PRDM11: variants seen among roughly 807,000 people sequenced by gnomAD.
PRDM11 encodes the protein PR/SET domain 11.
PRDM11 carries 20 observed loss-of-function variants against 97.8 expected under a neutral mutation model. The ratio of observed to expected loss-of-function variants is 0.20; its 90% confidence interval spans 0.14 to 0.30. PRDM11 has a LOEUF of 0.30. Among genes scored for constraint, PRDM11 ranks in the 10% least tolerant of loss-of-function variants. The pLI, the probability that PRDM11 is intolerant of heterozygous loss-of-function variation, is 1.00. For missense variants in PRDM11, 1,139 were observed against 1,555.2 expected (o/e 0.73, Z 4.50); for synonymous variants, 599 against 637.7 (o/e 0.94, Z 0.91).
chr11:45,164,298 C>T (rs971753871), intron 1 of PRDM11, among the ~76,000 whole-genome samples: 3 of 152,328 alleles, frequency 2.0e-5, no homozygotes, highest in South Asian at 4.1e-4. Context: ...TAGAAGACCC[C>T]GGAGACAGAG....
In PRDM11 at chr11:45,230,183, A is replaced by T. The variant is rs140851909; in HGVS notation, c.*2024A>T. 6.6e-6 allele frequency: 1 copy of T among 151,610 alleles called. No homozygotes were observed. Among genetic ancestry groups the T allele is most frequent in the African/African-American group, 2.4e-5 (1 of 41,406 alleles). 9.4% of individuals were successfully genotyped at this position (151,610 alleles called of 1,614,324 possible). ...TTTTGTTTGTTTTCAACAGTGATGT[A>T]GCATGTTAAAAAACAAAAAACAAAA... On this transcript the variant is annotated 3_prime_UTR_variant, in exon 8 of 8. Coordinates refer to ENST00000683152, the MANE Select transcript of PRDM11 (RefSeq NM_001384648.1).
intron 1 of PRDM11, among the ~76,000 whole-genome samples, chr11:45,161,397 G>A (rs555461501): frequency 6.6e-6 from 1 of 152,310 alleles, no homozygotes; most frequent in South Asian, 2.1e-4. Flanking sequence ...AATGCAGCGG[G>A]CAATCGGATT....
chr11:45,127,650 G>A (rs549632214), intron 1 of PRDM11, among the ~76,000 whole-genome samples: 5 of 152,246 alleles, frequency 3.3e-5, no homozygotes, highest in South Asian at 4.1e-4. Flanking sequence ...GCAGAACAGC[G>A]GTGGCTGTAG....
At chr11:45,177,841 C>T (rs965707551) in intron 1 of PRDM11, among the ~76,000 whole-genome samples, 13 of 152,294 alleles carry the variant, frequency 8.5e-5, no homozygotes, top group African/African-American at 1.9e-4. Context: ...AACAGATTCC[C>T]GGCATAACCA....
Position 45,224,554 on chromosome 11 carries a change from G to C in PRDM11, c.1080G>C (p.Gln360His). Reference sequence around the variant, plus strand: ...GTGTGCAGAATATAGGCCAGACCCAGGGGGAGGGGGACTGGAAGGTCCCCC... The same window carrying C: ...GTGTGCAGAATATAGGCCAGACCCACGGGGAGGGGGACTGGAAGGTCCCCC... The part of the protein sequence containing the change: ...THGVQNIGQT[Q>H]GEGDWKVPQG... The change falls in exon 7 of 8, where the codon CAG becomes CAC. Residue 360 changes from glutamine to histidine, a missense_variant. This residue lies in a region of PRDM11 where 429 missense variants were observed against 510.3 expected (regional missense o/e 0.84). Coordinates refer to ENST00000683152, the MANE Select transcript of PRDM11 (RefSeq NM_001384648.1). 1 of 1,614,118 alleles carries C rather than the reference G, an allele frequency of 6.2e-7. No individual in the cohort carries two copies. The highest frequency in any genetic ancestry group is 8.5e-7 in the Non-Finnish European group (1 of 1,180,030).
At chr11:45,212,086 A>G (rs989715868) in intron 5 of PRDM11, among the ~76,000 whole-genome samples, 4 of 152,196 alleles carry the variant, frequency 2.6e-5, no homozygotes, top group African/African-American at 9.6e-5. Context: ...TAGGTAGCCA[A>G]GCGGTTCGAT....
intron 5 of PRDM11, 80 bp downstream of exon 5, chr11:45,204,858 G>C: frequency 7.0e-7 from 1 of 1,436,748 alleles, no homozygotes; most frequent in Non-Finnish European, 9.8e-7. Context: ...GGACCTGTGG[G>C]AGCTCCAGTG....
chr11:45,217,030 A>C (rs1853975012), intron 5 of PRDM11, among the ~76,000 whole-genome samples: 1 of 152,236 alleles, frequency 6.6e-6, no homozygotes, highest in Non-Finnish European at 1.5e-5. Context: ...GATTCAAGTG[A>C]GTCTTGTGAG....
chr11:45,108,643 C>T (rs1852110696), intron 1 of PRDM11, among the ~76,000 whole-genome samples: 1 of 152,154 alleles, frequency 6.6e-6, no homozygotes, highest in African/African-American at 2.4e-5. Flanking sequence ...GGACGAGCTG[C>T]CTCCTTTCAG....
chr11:45,211,534 G>GTGCAGTCAGATGCTCC (rs140843608), intron 5 of PRDM11, among the ~76,000 whole-genome samples: 2 of 151,862 alleles, frequency 1.3e-5, no homozygotes. Flanking sequence ...GATGGCCCCT[G>GTGCAGTCAGATGCTCC]TGGATGGGAG....
At chr11:45,140,657 T>C (rs1204955182) in intron 1 of PRDM11, among the ~76,000 whole-genome samples, 1 of 152,006 alleles carries the variant, frequency 6.6e-6, no homozygotes. Flanking sequence ...AGCTTATCTG[T>C]CTCATTGTGG....
At chr11:45,097,057 C>A (rs535870295) in intron 1 of PRDM11, among the ~76,000 whole-genome samples, 1 of 152,324 alleles carries the variant, frequency 6.6e-6, no homozygotes, top group East Asian at 1.9e-4. Context: ...AAGATGAGGC[C>A]AGGGAATTTG....
At chr11:45,220,856 G>A (rs568469807) in intron 6 of PRDM11, among the ~76,000 whole-genome samples, 24 of 152,270 alleles carry the variant, frequency 1.6e-4, no homozygotes, top group African/African-American at 5.3e-4. Flanking sequence ...TCCTCATCCT[G>A]ACCAGTGTAG....
At chr11:45,204,931 C>T (rs1267171725) in intron 5 of PRDM11, among the ~76,000 whole-genome samples, 153 bp downstream of exon 5, 4 of 152,170 alleles carry the variant, frequency 2.6e-5, no homozygotes, top group African/African-American at 9.7e-5. Flanking sequence ...AAGGACCCAC[C>T]TTTTCCCCTA....
At chr11:45,201,197 G>A (rs1190476625) in intron 4 of PRDM11, among the ~76,000 whole-genome samples, 1 of 152,210 alleles carries the variant, frequency 6.6e-6, no homozygotes, top group Non-Finnish European at 1.5e-5. Context: ...TCAGTCAAAT[G>A]TAGTAAAATA....
intron 1 of PRDM11, among the ~76,000 whole-genome samples, chr11:45,139,055 A>T (rs552652258): frequency 3.2e-4 from 48 of 152,360 alleles, no homozygotes; most frequent in African/African-American, 1.1e-3. Flanking sequence ...GGCATGAAAG[A>T]TGAGTAAACA....
chr11:45,148,748 A>G (rs1851587925), intron 1 of PRDM11, among the ~76,000 whole-genome samples: 1 of 152,138 alleles, frequency 6.6e-6, no homozygotes, highest in South Asian at 2.1e-4. Flanking sequence ...TCCTATTTGG[A>G]TCTGCCCTCT....
chr11:45,174,322 T>C (rs1404898892), intron 1 of PRDM11, among the ~76,000 whole-genome samples: 1 of 152,238 alleles, frequency 6.6e-6, no homozygotes, highest in East Asian at 1.9e-4. Flanking sequence ...TCAAATTTCT[T>C]TGCTTTTGCT....
At chr11:45,165,347 G>A (rs1033530823) in intron 1 of PRDM11, among the ~76,000 whole-genome samples, 3 of 152,210 alleles carry the variant, frequency 2.0e-5, no homozygotes, top group East Asian at 1.9e-4. Context: ...GAGCCCTGCC[G>A]GTGCCAGCAA....
Sources: gnomAD v4.1 joint callset for allele counts (sites outside exome capture counted in the v4.1 genomes callset) on GRCh38, gnomAD v4.1.1 for gene constraint, gnomAD v4.1.1 regional missense constraint, MANE v1.5 for transcripts, NCBI Gene and HGNC (gene_info 2026-07-23, HGNC 2026-07-21) for gene names.